Variants in ITPK1 observed in about 807,000 individuals in gnomAD.
ITPK1 encodes the protein inositol-tetrakisphosphate 1-kinase, also known as inositol 1,3,4-trisphosphate 5/6-kinase.
Under a neutral mutation model 45.3 loss-of-function variants are expected in ITPK1, and 21 were observed. The ratio of observed to expected loss-of-function variants is 0.46; its 90% CI spans 0.33 to 0.67. ITPK1 has a LOEUF of 0.67. Among genes scored for constraint, ITPK1 ranks in the 30% least tolerant of loss-of-function variants. ITPK1 has a pLI of 0.02. For missense variants in ITPK1, 474 were observed against 573.5 expected (o/e 0.83, Z 1.77); for synonymous variants, 258 against 253.6 (o/e 1.02, Z -0.16).
Position 93,076,994 on chromosome 14 carries a change from C to A in ITPK1, c.96-375G>T, listed in dbSNP as rs1377370455. ...CTGCCGTCCCTGCCGAGCTCAACCC[C>A]CATAGGTCCCCATGTCCTCCCCATC... On this transcript the variant is annotated intron_variant, in intron 2 of 10. Transcript: ENST00000267615. The surrounding 1 kb of genome is among the most constrained non-coding windows in gnomAD (Gnocchi z 4.3). 6.6e-6 allele frequency among the ~76,000 whole-genome samples: 1 copy of A among 152,168 alleles called. No homozygotes were observed. Among genetic ancestry groups the A allele is most frequent in the African/African-American group, 2.4e-5 (1 of 41,420 alleles).
chr14:92,951,999 A>T lies in ITPK1; in HGVS notation c.685T>A (p.Phe229Ile). 6.4e-7 allele frequency: 1 copy of T among 1,573,010 alleles called. No individual in the cohort carries two copies. The highest frequency in any genetic ancestry group is 1.2e-5 in the South Asian group (1 of 85,730). The change falls in exon 9 of 11, where the codon TTC becomes ATC. Residue 229 changes from phenylalanine (F) to isoleucine (I), a missense_variant. Phe to Ile is a conservative substitution (Grantham distance 21). Coordinates refer to ENST00000267615, the MANE Select transcript of ITPK1 (RefSeq NM_014216.6). ...TTTGACACGTTGTGGCTGTTGAAGA[A>T]GATGGACTCACGGTCTGAAAAAGCG... ...SAGTSDRESI[F>I]FNSHNVSKPE...
intron 4 of ITPK1, among the ~76,000 whole-genome samples, chr14:93,009,473 C>T (rs7156829): frequency 0.21 from 31,359 of 152,132 alleles, 3,951 homozygotes; most frequent in East Asian, 0.31. Context: ...CACATGTCTT[C>T]CTGGGGACCA....
chr14:92,975,766 C>G (rs1450646600), intron 5 of ITPK1, among the ~76,000 whole-genome samples: 2 of 152,220 alleles, frequency 1.3e-5, no homozygotes, highest in Non-Finnish European at 2.9e-5. Context: ...TAAATTATAG[C>G]ATCAGCTCTC....
chr14:93,073,283 A>G (rs577547026), intron 3 of ITPK1, among the ~76,000 whole-genome samples: 6 of 152,340 alleles, frequency 3.9e-5, no homozygotes, highest in African/African-American at 1.4e-4. Flanking sequence ...CACAGAGTGC[A>G]CAATCCTCTG....
chr14:93,080,352 T>C (rs956938832), intron 2 of ITPK1, among the ~76,000 whole-genome samples: 3 of 152,242 alleles, frequency 2.0e-5, no homozygotes, highest in African/African-American at 7.2e-5. Flanking sequence ...TTGTGCCATG[T>C]GCCTATAACA....
chr14:93,114,091 G>A (rs1326683465), intron 2 of ITPK1, among the ~76,000 whole-genome samples: 1 of 152,246 alleles, frequency 6.6e-6, no homozygotes, highest in Admixed American at 6.5e-5. Flanking sequence ...TCAAAAATCA[G>A]TCTAACAAGC....
At chr14:93,088,785 C>A (rs1891754770) in intron 2 of ITPK1, among the ~76,000 whole-genome samples, 1 of 152,156 alleles carries the variant, frequency 6.6e-6, no homozygotes. Flanking sequence ...ATGTGAGCCA[C>A]CGCGCCTGGC....
At chr14:93,073,929 C>T (rs915504314) in intron 3 of ITPK1, among the ~76,000 whole-genome samples, 3 of 152,152 alleles carry the variant, frequency 2.0e-5, no homozygotes, top group Admixed American at 1.3e-4. Flanking sequence ...CACAGGAAGA[C>T]GGCTGGCAGC....
chr14:92,983,464 A>G (rs1379506294), intron 5 of ITPK1, among the ~76,000 whole-genome samples: 1 of 152,188 alleles, frequency 6.6e-6, no homozygotes, highest in Non-Finnish European at 1.5e-5. Flanking sequence ...CAATGGGACA[A>G]TTTTCTTCAT....
At chr14:93,018,771 C>T (rs543623663) in intron 3 of ITPK1, among the ~76,000 whole-genome samples, 30 of 152,254 alleles carry the variant, frequency 2.0e-4, no homozygotes, top group African/African-American at 6.5e-4. Context: ...CCGGGGAAGA[C>T]GCTCCCTGCT....
chr14:93,104,478 A>G (rs1892445923), intron 2 of ITPK1, among the ~76,000 whole-genome samples: 2 of 151,972 alleles, frequency 1.3e-5, no homozygotes, highest in South Asian at 4.1e-4. Flanking sequence ...AAAAAAGAAC[A>G]GAACTCCTTG....
At chr14:92,949,428 C>T (rs1887852823) in intron 9 of ITPK1, among the ~76,000 whole-genome samples, 1 of 152,246 alleles carries the variant, frequency 6.6e-6, no homozygotes, top group Non-Finnish European at 1.5e-5. Flanking sequence ...TCCTGGGTCA[C>T]TCTTGCCAGT....
At chr14:92,972,925 C>T (rs746218676) in intron 5 of ITPK1, among the ~76,000 whole-genome samples, 5 of 152,204 alleles carry the variant, frequency 3.3e-5, no homozygotes, top group Non-Finnish European at 5.9e-5. Flanking sequence ...TCGTTCCCAG[C>T]CAAACCCTTG....
Position 92,937,218 on chromosome 14 carries a change from C to T in ITPK1, c.*4343G>A, listed in dbSNP as rs2281515. The T allele has an allele frequency of 0.33, 49,737 of 152,162 alleles. 8,609 individuals are homozygous for T. Among genetic ancestry groups the T allele is most frequent in the East Asian group, 0.69 (3,596 of 5,180 alleles). The allele number at this position is 152,162 out of a possible 1,614,324, so 9.4% of individuals were successfully genotyped here. A position where few individuals can be genotyped will look rare whatever the true frequency, so the allele number is the denominator to read the frequency against. On this transcript the variant is annotated 3_prime_UTR_variant, in exon 11 of 11. Transcript: ENST00000267615. ...CATGTATATTATGCATATGTATGTACACAAATTAAGTACGAACCAGCTTGG... is the reference window on the plus strand; with the variant it reads ...CATGTATATTATGCATATGTATGTATACAAATTAAGTACGAACCAGCTTGG...
Position 92,958,514 on chromosome 14 carries a change from AGGGT to A in ITPK1, c.505-152_505-149del, listed in dbSNP as rs1245091829. ...GACTCCCCTAGAGGAGCCTTGAGCC[AGGGT>A]GAGTGGAGTGGGACTTGTGAAGAAC... On this transcript the variant is annotated intron_variant, in intron 7 of 10. Transcript: ENST00000267615. The surrounding 1 kb of genome is among the most constrained non-coding windows in gnomAD (Gnocchi z 4.4). 1 of 704,404 alleles carries A rather than the reference AGGGT, an allele frequency of 1.4e-6. No homozygotes were observed. Among genetic ancestry groups the A allele is most frequent in the Admixed American group, 2.7e-5 (1 of 36,912 alleles). 43.6% of individuals were successfully genotyped at this position (704,404 alleles called of 1,614,324 possible). A position where few individuals can be genotyped will look rare whatever the true frequency, so the allele number is the denominator to read the frequency against.
intron 3 of ITPK1, among the ~76,000 whole-genome samples, chr14:93,033,773 C>T (rs982261804): frequency 8.5e-5 from 13 of 152,230 alleles, no homozygotes; most frequent in Middle Eastern, 3.4e-3. Context: ...TGGAAGAGAA[C>T]GGAGTGTGTG....
At chr14:92,953,386 A>C (rs1291931120) in intron 8 of ITPK1, among the ~76,000 whole-genome samples, 2 of 151,588 alleles carry the variant, frequency 1.3e-5, no homozygotes, top group African/African-American at 4.9e-5. Context: ...GAAAATAAAC[A>C]CCCCGCAGGA....
chr14:92,940,827 T>A lies in ITPK1; in HGVS notation c.*734A>T. The A allele has an allele frequency of 7.8e-7, 1 of 1,287,136 alleles. No homozygotes were observed. The highest frequency in any genetic ancestry group is 1.0e-6 in the Non-Finnish European group (1 of 987,752). The allele number at this position is 1,287,136 out of a possible 1,614,324, so 79.7% of individuals were successfully genotyped here. A position where few individuals can be genotyped will look rare whatever the true frequency, so the allele number is the denominator to read the frequency against. On this transcript the variant is annotated 3_prime_UTR_variant, in exon 11 of 11. Transcript: ENST00000267615. Reference sequence around the variant, plus strand: ...CAGCCAGGCAGCCTCCTTCCCGGGCTCCAGGGAGCAGCAGTGCTGGCTTAG... The same window carrying A: ...CAGCCAGGCAGCCTCCTTCCCGGGCACCAGGGAGCAGCAGTGCTGGCTTAG...
At chr14:93,062,252 C>T (rs1890556995) in intron 3 of ITPK1, among the ~76,000 whole-genome samples, 1 of 149,056 alleles carries the variant, frequency 6.7e-6, no homozygotes, top group Non-Finnish European at 1.5e-5. Flanking sequence ...GCCTGGGCGA[C>T]AGAGCGAGAT....
Sources: allele counts gnomAD v4.1 joint callset (sites outside exome capture counted in the v4.1 genomes callset), GRCh38; gene constraint gnomAD v4.1.1; non-coding constraint Gnocchi (gnomAD v3.1); transcripts MANE v1.5; gene names NCBI Gene and HGNC (gene_info 2026-07-23, HGNC 2026-07-21).